Variants in CAPN13 observed in about 807,000 individuals in gnomAD.
The protein encoded by CAPN13 is calpain 13, also known as calpain-13.
CAPN13 carries 90 observed loss-of-function variants against 98.4 expected under a neutral mutation model. That is an observed-to-expected ratio of 0.92 (90% CI 0.77 to 1.09). The LOEUF is 1.09. Ranked by LOEUF, CAPN13 falls within the 50% of genes least tolerant of loss-of-function variation. The pLI, the probability that CAPN13 is intolerant of heterozygous loss-of-function variation, is 0.00. For missense variants in CAPN13, 887 were observed against 841.3 expected (o/e 1.05, Z -0.67); for synonymous variants, 330 against 305.5 (o/e 1.08, Z -0.84).
rs539317275 is a variant in CAPN13 at position 30,787,118 on chromosome 2, G to A, written c.198+10C>T. On this transcript the variant is annotated intron_variant, in intron 2 of 22. Coordinates refer to ENST00000295055, the MANE Select transcript of CAPN13 (RefSeq NM_144575.3). ...CTGGAGCTGGGTATGCTCGTGTGGG[G>A]CTCACTCACCTGTGGCCGCTTCCAT... 2 of 1,546,960 alleles carry A rather than the reference G, an allele frequency of 1.3e-6. No individual in the cohort carries two copies. The highest frequency in any genetic ancestry group is 2.0e-5 in the Admixed American group (1 of 51,074).
In CAPN13 at chr2:30,770,313, T is replaced by C. The variant is rs1357090057; in HGVS notation, c.524A>G (p.Lys175Arg). Residue 175 changes from lysine to arginine, a missense_variant and splice_region_variant, in exon 5 of 23, where the codon AAG (lysine) becomes AGG (arginine). Physicochemically the swap from Lys to Arg is conservative, Grantham distance 26. Transcript: ENST00000295055. ...TGATGGGTGGCGGGGTTGTACTTACTTGGCATAGGCCTTCTCCAGCAGGCA... is the reference window on the plus strand; with the variant it reads ...TGATGGGTGGCGGGGTTGTACTTACCTGGCATAGGCCTTCTCCAGCAGGCA... Reference protein sequence around the residue: ...WPCLLEKAYAKLLGSYSDLHY... With the variant: ...WPCLLEKAYARLLGSYSDLHY... 1.2e-6 allele frequency: 2 copies of C among 1,613,498 alleles called. No individual in the cohort carries two copies. The highest frequency in any genetic ancestry group is 1.3e-5 in the African/African-American group (1 of 74,936).
At chr2:30,760,425 G>A (rs1672784891) in intron 7 of CAPN13, among the ~76,000 whole-genome samples, 1 of 152,054 alleles carries the variant, frequency 6.6e-6, no homozygotes, top group Non-Finnish European at 1.5e-5. Flanking sequence ...AGATACTCAG[G>A]GGCTCCAGTG....
At chr2:30,743,694 C>T (rs1230402464) in intron 12 of CAPN13, 115 bp from the exon 13 acceptor site, 3 of 901,234 alleles carry the variant, frequency 3.3e-6, no homozygotes, top group African/African-American at 3.3e-5. Context: ...GATAACATTA[C>T]AGGCTCTATA....
intron 10 of CAPN13, 44 bp downstream of exon 10, chr2:30,753,009 G>A: frequency 6.2e-7 from 1 of 1,608,236 alleles, no homozygotes; most frequent in Non-Finnish European, 8.5e-7. Context: ...GGCTGGGGCA[G>A]CCAGCTTCCA....
intron 6 of CAPN13, among the ~76,000 whole-genome samples, chr2:30,763,459 T>C (rs1672948715): frequency 6.6e-6 from 1 of 152,260 alleles, no homozygotes; most frequent in South Asian, 2.1e-4. Flanking sequence ...CAAATATGTC[T>C]GCTGGGACAT....
intron 13 of CAPN13, 132 bp from the exon 14 acceptor site, chr2:30,742,491 G>A (rs754014122): frequency 8.6e-5 from 80 of 928,384 alleles, no homozygotes; most frequent in Non-Finnish European, 1.3e-4. Flanking sequence ...AGCACCGCAG[G>A]ACACGAAGTG....
intron 22 of CAPN13, chr2:30,729,794 C>G (rs1670995412): frequency 6.6e-6 from 1 of 152,078 alleles, no homozygotes; most frequent in Non-Finnish European, 1.5e-5. Context: ...CCAAAACAAT[C>G]GAGTTTTAGG....
intron 22 of CAPN13, among the ~76,000 whole-genome samples, chr2:30,725,718 C>T (rs1449754464): frequency 6.6e-6 from 1 of 152,144 alleles, no homozygotes; most frequent in Non-Finnish European, 1.5e-5. Flanking sequence ...TTGCTGACCT[C>T]AGAGTGTTGG....
intron 4 of CAPN13, among the ~76,000 whole-genome samples, chr2:30,772,161 T>C (rs4952179): frequency 0.78 from 118,562 of 152,124 alleles, 46,768 homozygotes; most frequent in African/African-American, 0.9. Flanking sequence ...AAAGGCCTGA[T>C]TGGTGGTCAA....
At chr2:30,800,554 C>T (rs529418932) in intron 1 of CAPN13, among the ~76,000 whole-genome samples, 1 of 152,170 alleles carries the variant, frequency 6.6e-6, no homozygotes, top group African/African-American at 2.4e-5. Context: ...CGCTCCCTCC[C>T]CTAGCCTCGG....
intron 11 of CAPN13, among the ~76,000 whole-genome samples, chr2:30,748,359 C>A (rs1672017514): frequency 6.6e-6 from 1 of 152,206 alleles, no homozygotes; most frequent in Non-Finnish European, 1.5e-5. Context: ...TGGAAACTAT[C>A]TCAGGCTGGG....
intron 1 of CAPN13, among the ~76,000 whole-genome samples, chr2:30,797,516 C>T (rs1300833893): frequency 6.6e-6 from 1 of 152,120 alleles, no homozygotes; most frequent in Admixed American, 6.5e-5. Context: ...GTAATAAAAC[C>T]AGCCTCGTAG....
At position 30,777,644 on chromosome 2, in the gene CAPN13, A is replaced by G. The variant is rs1483315911; in HGVS notation, c.199-5T>C. The G allele has an allele frequency of 3.8e-6, 6 of 1,565,910 alleles. 1 individual carries two copies. The Middle Eastern group carries it at 5.0e-4, about 130-fold the overall frequency. The stretch of plus-strand genomic sequence containing the variant: ...AGGAGGACCCCCTGGTAGATCCTTT[A>G]GGAAAGAGGGAGAAAAGCTATGAAC... On this transcript the variant is annotated splice_region_variant and splice_polypyrimidine_tract_variant and intron_variant, in intron 2 of 22. Coordinates refer to ENST00000295055, the MANE Select transcript of CAPN13 (RefSeq NM_144575.3).
At chr2:30,736,439 C>G in intron 18 of CAPN13, 64 bp downstream of exon 18, 1 of 1,488,006 alleles carries the variant, frequency 6.7e-7, no homozygotes. Context: ...CAGGGTTAGA[C>G]ACCCAGTAAA....
intron 2 of CAPN13, among the ~76,000 whole-genome samples, chr2:30,781,027 T>C (rs1572863293): frequency 6.6e-6 from 1 of 152,224 alleles, no homozygotes; most frequent in East Asian, 1.9e-4. Context: ...CAGCCGACTG[T>C]GAATCACCCA....
At chr2:30,738,478 A>G (rs770305481) in intron 15 of CAPN13, 21 bp from the exon 16 acceptor site, 3 of 1,592,974 alleles carry the variant, frequency 1.9e-6, no homozygotes, top group African/African-American at 2.7e-5. Flanking sequence ...CAAGGAAGGA[A>G]TGCAGGAATT....
At chr2:30,796,172 GTA>G (rs757421069) in intron 1 of CAPN13, among the ~76,000 whole-genome samples, 7 of 136,254 alleles carry the variant, frequency 5.1e-5, no homozygotes, top group South Asian at 2.2e-4. Flanking sequence ...ATATATGTGT[GTA>G]TATATATATA....
intron 1 of CAPN13, among the ~76,000 whole-genome samples, chr2:30,802,547 G>GT (rs953234210): frequency 7.0e-6 from 1 of 142,642 alleles, no homozygotes; most frequent in African/African-American, 2.9e-5. Flanking sequence ...CAGGCTGGGG[G>GT]GGGGGGGTGG....
At chr2:30,756,290 T>C (rs1431935481) in intron 8 of CAPN13, among the ~76,000 whole-genome samples, 2 of 152,102 alleles carry the variant, frequency 1.3e-5, no homozygotes, top group African/African-American at 4.8e-5. Context: ...GAACAGACTA[T>C]CAATGTTCCC....
Sources: gnomAD v4.1 joint callset for allele counts (sites outside exome capture counted in the v4.1 genomes callset) on GRCh38, gnomAD v4.1.1 for gene constraint, MANE v1.5 for transcripts, NCBI Gene and HGNC (gene_info 2026-07-23, HGNC 2026-07-21) for gene names.